Variants in EPHX4 observed in about 807,000 individuals in gnomAD.
EPHX4 encodes epoxide hydrolase 4.
In EPHX4, 31 loss-of-function variants were observed where a neutral mutation model predicts 44.9. The ratio of observed to expected loss-of-function variants is 0.69; its 90% CI spans 0.52 to 0.93. EPHX4 has a LOEUF of 0.93. Among genes scored for constraint, EPHX4 ranks in the 40% least tolerant of loss-of-function variants. The pLI is 0.00. For missense variants in EPHX4, 373 were observed against 438.1 expected, an observed-to-expected ratio of 0.85 and a Z score of 1.33; for synonymous variants, 151 against 159.7, an observed-to-expected ratio of 0.95 and a Z score of 0.41.
At position 92,049,341 on chromosome 1, in the gene EPHX4, C is replaced by T. The variant is rs1647205929; in HGVS notation, c.605-976C>T. On this transcript the variant is annotated intron_variant, in intron 4 of 6. Coordinates refer to ENST00000370383, the MANE Select transcript of EPHX4 (RefSeq NM_173567.5). Reference sequence around the variant, plus strand: ...CATCCCAGAGAGGCCTTCTTGACTACTTCTACTATGTAGCAGTCCCTCCAC... The same window carrying T: ...CATCCCAGAGAGGCCTTCTTGACTATTTCTACTATGTAGCAGTCCCTCCAC... Among the ~76,000 whole-genome samples, 7 of 152,148 alleles carry T rather than the reference C, an allele frequency of 4.6e-5. 1 individual carries two copies. The highest frequency in any genetic ancestry group is 3.9e-4 in the Admixed American group (6 of 15,266).
At chr1:92,055,968 C>T (rs1018932643) in intron 6 of EPHX4, among the ~76,000 whole-genome samples, 2 of 152,026 alleles carry the variant, frequency 1.3e-5, no homozygotes, top group East Asian at 3.9e-4. Flanking sequence ...AGAGAAATCA[C>T]TGGAATCCTG....
chr1:92,045,940 G>A (rs887241952), intron 4 of EPHX4, among the ~76,000 whole-genome samples: 3 of 152,136 alleles, frequency 2.0e-5, no homozygotes, highest in Admixed American at 2.0e-4. Context: ...CAATGACATT[G>A]CTTTGACAGT....
chr1:92,030,485 TGA>T (rs371017117), intron 1 of EPHX4, among the ~76,000 whole-genome samples, 175 bp downstream of exon 1: 25 of 138,712 alleles, frequency 1.8e-4, no homozygotes, highest in East Asian at 4.0e-4. Context: ...TGTGTGTGTG[TGA>T]GAGAGAGAGA....
rs577820400 is a variant in EPHX4, at chr1:92,055,685, T to G, written c.857+3027T>G. ...GTTTGTTTTTGTTTTTTGTTTTCTG[T>G]TTTTTTTTACAAATAACGTAAAGAG... On this transcript the variant is annotated intron_variant, in intron 6 of 6. Transcript: ENST00000370383. 3.1e-4 allele frequency among the ~76,000 whole-genome samples: 46 copies of G among 150,544 alleles called. No individual in the cohort carries two copies. In the Middle Eastern group the frequency reaches 0.017, roughly 56 times the overall value.
At position 92,045,569 on chromosome 1, in the gene EPHX4, G is replaced by A. The variant is rs770699080; in HGVS notation, c.513G>A (p.Gly171=). 7 of 1,613,908 alleles carry A rather than the reference G, an allele frequency of 4.3e-6. No homozygotes were observed. Among genetic ancestry groups the A allele is most frequent in the Non-Finnish European group, 5.1e-6 (6 of 1,179,968 alleles). ...GTGTTCTTATTGGCCATGACTGGGGGGGCATGATTGCTTGGCTAATTGCCA... is the reference window on the plus strand; with the variant it reads ...GTGTTCTTATTGGCCATGACTGGGGAGGCATGATTGCTTGGCTAATTGCCA... ...SKCVLIGHDW[G]GMIAWLIAIC... is the part of the protein sequence containing the mutation. The change falls in exon 4 of 7, where the codon GGG becomes GGA. Residue 171 remains glycine, a synonymous_variant. Transcript: ENST00000370383.
At chr1:92,037,000 T>A (rs1247273123) in intron 2 of EPHX4, among the ~76,000 whole-genome samples, 3 of 152,080 alleles carry the variant, frequency 2.0e-5, no homozygotes, top group Non-Finnish European at 4.4e-5. Flanking sequence ...AGGACAAAAC[T>A]CTAGGGTTTA....
chr1:92,058,673 T>C (rs891038992), intron 6 of EPHX4, among the ~76,000 whole-genome samples: 1 of 152,012 alleles, frequency 6.6e-6, no homozygotes, highest in African/African-American at 2.4e-5. Flanking sequence ...TACTCAATTG[T>C]CCCAGAAATA....
At chr1:92,044,063 A>G (rs1352429270) in intron 3 of EPHX4, among the ~76,000 whole-genome samples, 1 of 152,200 alleles carries the variant, frequency 6.6e-6, no homozygotes, top group Non-Finnish European at 1.5e-5. Flanking sequence ...AATCCAATCT[A>G]TTAATACTAT....
rs566485022 is a variant in EPHX4 at position 92,055,552 on chromosome 1, G to A, written c.857+2894G>A. On this transcript the variant is annotated intron_variant, in intron 6 of 6. Transcript: ENST00000370383. ...GTCTTTGTAGGTAACAGTTTATCAA[G>A]CAAGGCAATGGTTAGAAAGGCAGAT... Among the ~76,000 whole-genome samples the A allele has an allele frequency of 2.0e-5, 3 of 152,246 alleles. No homozygotes were observed. In the East Asian group the frequency reaches 5.8e-4, roughly 29 times the overall value.
chr1:92,059,377 C>T (rs1200073993), intron 6 of EPHX4, among the ~76,000 whole-genome samples: 1 of 151,914 alleles, frequency 6.6e-6, no homozygotes, highest in African/African-American at 2.4e-5. Flanking sequence ...GCAGAGATTG[C>T]GGTGAGCCCA....
chr1:92,033,106 G>A (rs1372824503), intron 2 of EPHX4, among the ~76,000 whole-genome samples: 5 of 150,112 alleles, frequency 3.3e-5, no homozygotes, highest in South Asian at 4.2e-4. Context: ...TTGGAGGTGG[G>A]ATCTTGCTAT....
chr1:92,035,952 T>C (rs1166328893), intron 2 of EPHX4, among the ~76,000 whole-genome samples: 2 of 152,220 alleles, frequency 1.3e-5, no homozygotes, highest in Admixed American at 6.5e-5. Flanking sequence ...TCTCATTCTA[T>C]AGGAATTATA....
chr1:92,045,393 A>G, intron 3 of EPHX4, 139 bp from the exon 4 acceptor site: 1 of 1,056,278 alleles, frequency 9.5e-7, no homozygotes, highest in Middle Eastern at 2.2e-4. Flanking sequence ...GAACCACTGA[A>G]TTCAATATCT....
chr1:92,031,810 T>A (rs1016213286), intron 1 of EPHX4, among the ~76,000 whole-genome samples: 2 of 152,204 alleles, frequency 1.3e-5, no homozygotes, highest in Non-Finnish European at 2.9e-5. Context: ...CATGTTTTTT[T>A]AATTTTCCTT....
Position 92,030,031 on chromosome 1 carries a change from C to G in EPHX4, c.-49C>G, listed in dbSNP as rs1304741872. The stretch of plus-strand genomic sequence containing the variant: ...GGCTGGCCTGGCGCGCTGCGGCGCT[C>G]GCTCACCCGCTCCCGAGGAAGGGCA... On this transcript the variant is annotated 5_prime_UTR_variant, in exon 1 of 7. Coordinates refer to ENST00000370383, the MANE Select transcript of EPHX4 (RefSeq NM_173567.5). 7.1e-7 allele frequency: 1 copy of G among 1,398,874 alleles called. No individual in the cohort carries two copies. The highest frequency in any genetic ancestry group is 9.4e-7 in the Non-Finnish European group (1 of 1,061,104). 86.7% of individuals were successfully genotyped at this position (1,398,874 alleles called of 1,614,324 possible). A position where few individuals can be genotyped will look rare whatever the true frequency, so the allele number is the denominator to read the frequency against.
intron 1 of EPHX4, among the ~76,000 whole-genome samples, 195 bp downstream of exon 1, chr1:92,030,505 A>C (rs1312743109): frequency 1.8e-5 from 2 of 109,430 alleles, no homozygotes; most frequent in African/African-American, 6.6e-5. Context: ...AGAGAGAGAG[A>C]GAGATACAGA....
chr1:92,037,286 C>T (rs12037373), intron 2 of EPHX4, among the ~76,000 whole-genome samples: 1 of 152,114 alleles, frequency 6.6e-6, no homozygotes, highest in Admixed American at 6.5e-5. Flanking sequence ...AACATATTAT[C>T]GCATTTATCA....
chr1:92,037,066 C>A (rs1404225565), intron 2 of EPHX4, among the ~76,000 whole-genome samples: 3 of 152,050 alleles, frequency 2.0e-5, no homozygotes, highest in African/African-American at 7.2e-5. Flanking sequence ...AAAAAAACTT[C>A]ATGCATGGCA....
intron 6 of EPHX4, among the ~76,000 whole-genome samples, chr1:92,058,734 C>G (rs1647426227): frequency 6.6e-6 from 1 of 151,980 alleles, no homozygotes; most frequent in African/African-American, 2.4e-5. Context: ...TTATTTGCAC[C>G]TGGAGAGCTG....
Sources: gnomAD v4.1 joint callset for allele counts (sites outside exome capture counted in the v4.1 genomes callset) on GRCh38, gnomAD v4.1.1 for gene constraint, MANE v1.5 for transcripts, NCBI Gene and HGNC (gene_info 2026-07-23, HGNC 2026-07-21) for gene names.